Variants in DPP9 observed in about 807,000 individuals in gnomAD.
DPP9 encodes dipeptidyl peptidase IV-related protein-2.
In DPP9, 50 loss-of-function variants were observed where a neutral mutation model predicts 110.7. The observed-to-expected ratio is 0.45, with a 90% CI of 0.36 to 0.57. The LOEUF is 0.57. Ranked by LOEUF, DPP9 falls within the 20% of genes least tolerant of loss-of-function variation. The pLI is 0.00. For synonymous variants in DPP9, 561 were observed against 514.4 expected (o/e 1.09, Z -1.23); for missense variants, 1,022 against 1,217.9 (o/e 0.84, Z 2.39).
Position 4,695,650 on chromosome 19 carries a change from G to C in DPP9, c.1176-95C>G. ...GGGACGCAGCGTCCAAACCCGTGTG[G>C]AATCAGGGCTGGGCTTCCTGCGCTG... On this transcript the variant is annotated intron_variant, in intron 11 of 21. Transcript: ENST00000262960. This position sits in a 1 kb window ranked among gnomAD's most constrained non-coding sequence, Gnocchi z 4.7. 2 of 1,151,568 alleles carry C rather than the reference G, an allele frequency of 1.7e-6. No individual in the cohort carries two copies. The highest frequency in any genetic ancestry group is 3.8e-5 in the South Asian group (2 of 53,068). 71.3% of individuals were successfully genotyped at this position (1,151,568 alleles called of 1,614,324 possible). A position where few individuals can be genotyped will look rare whatever the true frequency, so the allele number is the denominator to read the frequency against.
chr19:4,717,700 A>T (rs934352087), intron 3 of DPP9: 2 of 152,260 alleles, frequency 1.3e-5, no homozygotes, highest in East Asian at 3.8e-4. Flanking sequence ...AACTTCCAGG[A>T]ATCTTCTGGA....
In DPP9 at chr19:4,710,935, C is replaced by G. The variant is rs1328641104; in HGVS notation, c.313+3146G>C. Among the ~76,000 whole-genome samples the G allele has an allele frequency of 6.6e-6, 1 of 152,170 alleles. No individual in the cohort carries two copies. Among genetic ancestry groups the G allele is most frequent in the Admixed American group, 6.5e-5 (1 of 15,284 alleles). The stretch of plus-strand genomic sequence containing the variant: ...ACCTCCTGTGTACTGTGAGGACCTG[C>G]CTGTCCCAGCCCCAGACACACACAC... On this transcript the variant is annotated intron_variant, in intron 4 of 21. Coordinates refer to ENST00000262960, the MANE Select transcript of DPP9 (RefSeq NM_139159.5). The surrounding 1 kb of genome is among the most constrained non-coding windows in gnomAD (Gnocchi z 5.6).
intron 9 of DPP9, 106 bp downstream of exon 9, chr19:4,701,921 G>A (rs991309803): frequency 6.1e-5 from 89 of 1,469,344 alleles, no homozygotes; most frequent in Non-Finnish European, 6.5e-5. Context: ...GATGCCCAGA[G>A]CACACACATG....
chr19:4,685,008 G>C lies in DPP9; in HGVS notation c.2032-199C>G, dbSNP rs1165712028. The C allele has an allele frequency of 8.4e-6, 6 of 718,016 alleles. No homozygotes were observed. The highest frequency in any genetic ancestry group is 2.7e-5 in the East Asian group (1 of 36,514). 44.5% of individuals were successfully genotyped at this position (718,016 alleles called of 1,614,324 possible). A position where few individuals can be genotyped will look rare whatever the true frequency, so the allele number is the denominator to read the frequency against. On this transcript the variant is annotated intron_variant, in intron 17 of 21. Coordinates refer to ENST00000262960, the MANE Select transcript of DPP9 (RefSeq NM_139159.5). The surrounding 1 kb of genome is among the most constrained non-coding windows in gnomAD (Gnocchi z 5.8). ...CCCATACTCGGGACCCTGCTAGGGA[G>C]GGGGAAGGGCCACTGTCAGGCTCTT...
rs1218591128 is a variant in DPP9 at position 4,683,931 on chromosome 19, T to C, written c.2179-302A>G. On this transcript the variant is annotated intron_variant, in intron 18 of 21. Transcript: ENST00000262960. The stretch of plus-strand genomic sequence containing the variant: ...ATTAACAGGAAGAGGACCCATTTTC[T>C]AGAGGGCACAAGGAAGAAAAAGACG... The C allele has an allele frequency of 1.7e-5, 16 of 952,266 alleles. No individual in the cohort carries two copies. In the East Asian group the frequency reaches 5.1e-4, roughly 30 times the overall value. The allele number at this position is 952,266 out of a possible 1,614,324, so 59.0% of individuals were successfully genotyped here.
intron 21 of DPP9, 115 bp downstream of exon 21, chr19:4,679,720 C>G: frequency 1.3e-6 from 1 of 769,950 alleles, no homozygotes; most frequent in Non-Finnish European, 2.2e-6. Flanking sequence ...CTGGGAGCCC[C>G]AGATCCCCCA....
intron 11 of DPP9, 59 bp downstream of exon 11, chr19:4,697,492 C>A: frequency 6.8e-7 from 1 of 1,464,658 alleles, no homozygotes; most frequent in Non-Finnish European, 9.4e-7. Flanking sequence ...GCTTCGGTGG[C>A]TGCCCAGGGC....
At position 4,710,078 on chromosome 19, in the gene DPP9, T is replaced by A. The variant is rs956466617; in HGVS notation, c.313+4003A>T. The stretch of plus-strand genomic sequence containing the variant: ...GTGACCGCCAAGGGCTGTGGATTTC[T>A]GCTGCCCCATCCCTCCTCGGACCTC... On this transcript the variant is annotated intron_variant, in intron 4 of 21. Coordinates refer to ENST00000262960, the MANE Select transcript of DPP9 (RefSeq NM_139159.5). This position sits in a 1 kb window ranked among gnomAD's most constrained non-coding sequence, Gnocchi z 5.6. Among the ~76,000 whole-genome samples, 3 of 152,354 alleles carry A rather than the reference T, an allele frequency of 2.0e-5. No homozygotes were observed. In the East Asian group the frequency reaches 5.8e-4, roughly 29 times the overall value.
At position 4,685,883 on chromosome 19, in the gene DPP9, T is replaced by G. The variant is rs1053832006; in HGVS notation, c.1886-112A>C. ...AGGGTGGACCAAAGCACCCCCTCTT[T>G]TCCTGGGCTTCCCGAGAGTTGATAA... is the stretch of plus-strand genomic sequence containing the variant. On this transcript the variant is annotated intron_variant, in intron 16 of 21. Transcript: ENST00000262960. This position sits in a 1 kb window ranked among gnomAD's most constrained non-coding sequence, Gnocchi z 5.8. 2.4e-6 allele frequency: 3 copies of G among 1,262,544 alleles called. No individual in the cohort carries two copies. In the African/African-American group the frequency reaches 4.5e-5, roughly 19 times the overall value. The allele number at this position is 1,262,544 out of a possible 1,614,324, so 78.2% of individuals were successfully genotyped here. A position where few individuals can be genotyped will look rare whatever the true frequency, so the allele number is the denominator to read the frequency against.
chr19:4,676,460 A>G lies in DPP9; in HGVS notation c.*104T>C, dbSNP rs1435099323. Reference sequence around the variant, plus strand: ...GGGCTGGCCAGCGCTGGGCGGGACAAAGTGCCTCACTGGGGCCCGCGGGCC... The same window carrying G: ...GGGCTGGCCAGCGCTGGGCGGGACAGAGTGCCTCACTGGGGCCCGCGGGCC... On this transcript the variant is annotated 3_prime_UTR_variant, in exon 22 of 22. Coordinates refer to ENST00000262960, the MANE Select transcript of DPP9 (RefSeq NM_139159.5). This position sits in a 1 kb window ranked among gnomAD's most constrained non-coding sequence, Gnocchi z 4.0. 2.0e-6 allele frequency: 2 copies of G among 1,003,712 alleles called. No individual in the cohort carries two copies. The highest frequency in any genetic ancestry group is 2.6e-5 in the East Asian group (1 of 38,298). The allele number at this position is 1,003,712 out of a possible 1,614,324, so 62.2% of individuals were successfully genotyped here.
intron 4 of DPP9, among the ~76,000 whole-genome samples, chr19:4,709,304 C>T (rs752766996): frequency 8.5e-5 from 13 of 152,074 alleles, no homozygotes; most frequent in Non-Finnish European, 1.5e-4. Flanking sequence ...CATGAGGAAG[C>T]GCGCTTGTGA....
intron 21 of DPP9, among the ~76,000 whole-genome samples, chr19:4,677,960 CAGA>C (rs1235840481): frequency 6.6e-6 from 1 of 152,196 alleles, no homozygotes; most frequent in East Asian, 1.9e-4. Context: ...GTCTTTGAAA[CAGA>C]AGGAGAGGTG....
rs552857733 is a variant in DPP9, at chr19:4,714,495, T to C, written c.57-158A>G. Among the ~76,000 whole-genome samples, 3 of 152,192 alleles carry C rather than the reference T, an allele frequency of 2.0e-5. No homozygotes were observed. The East Asian group carries it at 5.8e-4, about 29-fold the overall frequency. On this transcript the variant is annotated intron_variant, in intron 3 of 21. Transcript: ENST00000262960. ...CACTTCTTGGGTTGGTCTACCTCTC[T>C]CCATGTCACTAATGCTGCTAAGATT...
chr19:4,683,535 C>T lies in DPP9; in HGVS notation c.2273G>A (p.Trp758Ter). The T allele has an allele frequency of 6.2e-7, 1 of 1,613,414 alleles. No homozygotes were observed. Among genetic ancestry groups the T allele is most frequent in the Non-Finnish European group, 8.5e-7 (1 of 1,179,858 alleles). The change falls in exon 19 of 22, where the codon TGG (tryptophan) becomes TAG (stop). Residue 758 changes from tryptophan to a stop codon, truncating the protein, a stop_gained. Coordinates refer to ENST00000262960, the MANE Select transcript of DPP9 (RefSeq NM_139159.5). LOFTEE classifies it high-confidence loss of function. The stretch of plus-strand genomic sequence containing the variant: ...GAGCGAGAGGAAGCCCCCGTAGGAC[C>T]AGCCATGGATGGCAACTCGGCTCAG... The part of the protein sequence containing the change: ...IDLSRVAIHG[W>*]SYGGFLSLMG...
chr19:4,692,423 C>T (rs776487375), intron 13 of DPP9, among the ~76,000 whole-genome samples: 13 of 152,114 alleles, frequency 8.5e-5, no homozygotes, highest in East Asian at 1.9e-4. Context: ...CTTGTGGCAT[C>T]GGGGCCTGGG....
At chr19:4,680,834 G>GT (rs1308851780) in intron 20 of DPP9, among the ~76,000 whole-genome samples, 1 of 152,164 alleles carries the variant, frequency 6.6e-6, no homozygotes, top group Non-Finnish European at 1.5e-5. Context: ...GTGCATGCCT[G>GT]TAATTCCAGC....
In DPP9 at chr19:4,704,334, G is replaced by A. The variant is rs748146387; in HGVS notation, c.427-30C>T. The A allele has an allele frequency of 7.7e-5, 122 of 1,589,314 alleles. 1 individual carries two copies. The highest frequency in any genetic ancestry group is 9.3e-5 in the Non-Finnish European group (108 of 1,166,216). On this transcript the variant is annotated intron_variant, in intron 5 of 21. Coordinates refer to ENST00000262960, the MANE Select transcript of DPP9 (RefSeq NM_139159.5). This position sits in a 1 kb window ranked among gnomAD's most constrained non-coding sequence, Gnocchi z 6.0. ...AAACATACAGGGGACAGGGGGCAGC[G>A]TCAGTGGGCAAAGAGGATCTCCCGC... is the stretch of plus-strand genomic sequence containing the variant.
In DPP9 at chr19:4,682,897, C is replaced by T; in HGVS notation, c.2332-59G>A. 1.3e-6 allele frequency: 2 copies of T among 1,544,706 alleles called. No individual in the cohort carries two copies. Among genetic ancestry groups the T allele is most frequent in the Non-Finnish European group, 1.7e-6 (2 of 1,147,784 alleles). On this transcript the variant is annotated intron_variant, in intron 19 of 21. Transcript: ENST00000262960. This position sits in a 1 kb window ranked among gnomAD's most constrained non-coding sequence, Gnocchi z 7.1. ...GAGAGAGAGAAACAGGCGTCGGGTCCTACAGCCAGCATCAGCCGCTGTCCC... is the reference window on the plus strand; with the variant it reads ...GAGAGAGAGAAACAGGCGTCGGGTCTTACAGCCAGCATCAGCCGCTGTCCC...
chr19:4,719,864 C>G lies in DPP9; in HGVS notation c.43G>C (p.Gly15Arg). ...GGCCAACCTCACCTTCTCCAACTTC[C>G]GGTGTTCTCCTTGTCCAGGCGCAGT... ...KKLRLDKENTGSWRSFSLNSE... is the reference protein window; with the variant it reads ...KKLRLDKENTRSWRSFSLNSE... Residue 15 changes from glycine to arginine, a missense_variant, in exon 3 of 22, where the codon GGA becomes CGA. Gly to Arg is a moderately radical substitution (Grantham distance 125, BLOSUM62 -2). This residue lies in a region of DPP9 where 810 missense variants were observed against 920.6 expected (regional missense o/e 0.88). Transcript: ENST00000262960. The G allele has an allele frequency of 6.4e-7, 1 of 1,551,766 alleles. No homozygotes were observed. Among genetic ancestry groups the G allele is most frequent in the Non-Finnish European group, 8.7e-7 (1 of 1,147,010 alleles).
Sources: gnomAD v4.1 joint callset for allele counts (sites outside exome capture counted in the v4.1 genomes callset) on GRCh38, gnomAD v4.1.1 for gene constraint, gnomAD v4.1.1 regional missense constraint, Gnocchi (gnomAD v3.1) non-coding constraint, MANE v1.5 for transcripts, NCBI Gene and HGNC (gene_info 2026-07-23, HGNC 2026-07-21) for gene names.